Variants in MSN observed in about 807,000 individuals in gnomAD.
The protein encoded by MSN is moesin.
In MSN, 2 loss-of-function variants were observed where a neutral mutation model predicts 48.0. That is an observed-to-expected ratio of 0.04 (90% CI 0.02 to 0.13). The LOEUF is 0.13. Ranked by LOEUF, MSN falls within the 10% of genes least tolerant of loss-of-function variation. The pLI is 1.00. For missense variants in MSN, 267 were observed against 470.1 expected (o/e 0.57, Z 3.99); for synonymous variants, 146 against 166.9 (o/e 0.87, Z 0.97).
intron 1 of MSN, among the ~76,000 whole-genome samples, chrX:65,698,480 C>T (rs1172900982): frequency 8.9e-6 from 1 of 112,313 alleles, no homozygotes; most frequent in Non-Finnish European, 1.9e-5. Flanking sequence ...TTTCTCAGGG[C>T]CCCAGTTGTT....
At chrX:65,645,237 G>A (rs1358579824) in intron 1 of MSN, among the ~76,000 whole-genome samples, 2 of 111,848 alleles carry the variant, frequency 1.8e-5, no homozygotes, top group Non-Finnish European at 3.8e-5. Flanking sequence ...GACCCTCCTC[G>A]CTTCTGATAG....
chrX:65,702,207 T>C (rs1383993315), intron 1 of MSN, among the ~76,000 whole-genome samples: 2 of 104,647 alleles, frequency 1.9e-5, no homozygotes, highest in Non-Finnish European at 3.9e-5. Context: ...GAGACGGGGT[T>C]TCACCATGTT....
At chrX:65,675,153 T>C (rs745520783) in intron 1 of MSN, among the ~76,000 whole-genome samples, 1 of 112,321 alleles carries the variant, frequency 8.9e-6, no homozygotes, top group South Asian at 3.6e-4. Flanking sequence ...AATGAGTGGT[T>C]ACTATGTACT....
chrX:65,718,818 TAA>T (rs55726908), intron 2 of MSN, among the ~76,000 whole-genome samples: 18 of 75,103 alleles, frequency 2.4e-4, no homozygotes, highest in Admixed American at 1.4e-4. Flanking sequence ...ACTCTGTCTC[TAA>T]AAAAAAAAAA....
At chrX:65,605,871 T>C (rs952173068) in intron 1 of MSN, among the ~76,000 whole-genome samples, 1 of 111,700 alleles carries the variant, frequency 9.0e-6, no homozygotes, top group African/African-American at 3.3e-5. Context: ...CTTCTGTGTG[T>C]CACTCTCACA....
chrX:65,699,313 C>T (rs971904955), intron 1 of MSN, among the ~76,000 whole-genome samples: 1 of 111,636 alleles, frequency 9.0e-6, no homozygotes, highest in Non-Finnish European at 1.9e-5. Flanking sequence ...GCTGGTTGCT[C>T]CGAGCTAAAG....
At chrX:65,670,205 T>C (rs1191665558) in intron 1 of MSN, among the ~76,000 whole-genome samples, 1 of 112,136 alleles carries the variant, frequency 8.9e-6, no homozygotes, top group Non-Finnish European at 1.9e-5. Flanking sequence ...CCTAGTTCAC[T>C]GAATACCAAC....
rs747060478 is a variant in MSN at position 65,599,295 on chromosome X, CA to C, written c.-22+10694del. 5.5e-4 allele frequency among the ~76,000 whole-genome samples: 55 copies of C among 100,247 alleles called. No homozygotes were observed. In the South Asian group the frequency reaches 6.6e-3, roughly 12 times the overall value. The allele number at this position is 100,247 out of a possible 115,157, so 87.1% of individuals were successfully genotyped here. A position where few individuals can be genotyped will look rare whatever the true frequency, so the allele number is the denominator to read the frequency against. On this transcript the variant is annotated intron_variant, in intron 1 of 3. Coordinates refer to the MSN transcript ENST00000609672. ...AGGAAACAAGAGCAAAACTCCGTCT[CA>C]AAAAAAAAAATAATAATTTCAAAGA...
intron 1 of MSN, among the ~76,000 whole-genome samples, chrX:65,700,449 G>A (rs908536195): frequency 8.9e-6 from 1 of 112,112 alleles, no homozygotes; most frequent in African/African-American, 3.2e-5. Flanking sequence ...ACTGTCTCTT[G>A]TTGGCTTCAT....
intron 1 of MSN, among the ~76,000 whole-genome samples, chrX:65,607,087 A>G (rs1361131493): frequency 8.9e-6 from 1 of 112,126 alleles, no homozygotes; most frequent in Non-Finnish European, 1.9e-5. Flanking sequence ...TGGACCAGGT[A>G]TTTTATACAT....
chrX:65,659,756 T>C (rs1485360476), intron 1 of MSN, among the ~76,000 whole-genome samples: 2 of 111,581 alleles, frequency 1.8e-5, no homozygotes, highest in Non-Finnish European at 3.8e-5. Flanking sequence ...ACTTTCTGAA[T>C]TTAGCTTGTC....
rs778514992 is a variant in MSN, at chrX:65,736,456, A to G, written c.960-339A>G. On this transcript the variant is annotated intron_variant, in intron 8 of 12. Transcript: ENST00000360270. ...CCCAGGCTTTTTTTTTTTTTTTTAGATGGAGTCTTGCTCTTTTGCCCACGC... is the reference window on the plus strand; with the variant it reads ...CCCAGGCTTTTTTTTTTTTTTTTAGGTGGAGTCTTGCTCTTTTGCCCACGC... Among the ~76,000 whole-genome samples the G allele has an allele frequency of 1.1e-4, 11 of 95,820 alleles. No homozygotes were observed. In the South Asian group the frequency reaches 2.5e-3, roughly 22 times the overall value. The allele number at this position is 95,820 out of a possible 115,157, so 83.2% of individuals were successfully genotyped here.
chrX:65,678,107 C>G (rs551279269), intron 1 of MSN, among the ~76,000 whole-genome samples: 2 of 111,611 alleles, frequency 1.8e-5, no homozygotes, highest in Admixed American at 9.5e-5. Context: ...CTTCTGGAAC[C>G]TTTCCTGATG....
chrX:65,739,174 C>A lies in MSN; in HGVS notation c.1549C>A (p.Arg517Ser). Residue 517 changes from arginine to serine, a missense_variant, in exon 12 of 13, where the codon CGT becomes AGT. Transcript: ENST00000360270. ...TACCACTGAGGCAGAGAAGAATGAG[C>A]GTGTGCAGAAGCACCTGAAGGTATA... ...ERTTEAEKNE[R>S]VQKHLKALTS... 1 of 1,209,594 alleles carries A rather than the reference C, an allele frequency of 8.3e-7. No homozygotes were observed. The highest frequency in any genetic ancestry group is 1.1e-6 in the Non-Finnish European group (1 of 894,233).
intron 1 of MSN, among the ~76,000 whole-genome samples, chrX:65,611,951 A>G (rs2070323856): frequency 8.9e-6 from 1 of 111,934 alleles, no homozygotes; most frequent in African/African-American, 3.2e-5. Flanking sequence ...CATTTTCCTA[A>G]TGACTAAAAA....
chrX:65,655,051 T>C (rs1402547666), intron 1 of MSN, among the ~76,000 whole-genome samples: 1 of 111,592 alleles, frequency 9.0e-6, no homozygotes, highest in Non-Finnish European at 1.9e-5. Context: ...CTTTTGTTTT[T>C]TTCATGTCTG....
At chrX:65,615,474 C>G in intron 1 of MSN, among the ~76,000 whole-genome samples, 1 of 110,380 alleles carries the variant, frequency 9.1e-6, no homozygotes, top group Middle Eastern at 4.6e-3. Flanking sequence ...AGCATTTTTT[C>G]ATGTGTTTTT....
chrX:65,636,679 G>A (rs758722418), intron 1 of MSN, among the ~76,000 whole-genome samples: 18 of 97,057 alleles, frequency 1.9e-4, no homozygotes, highest in Admixed American at 1.2e-3. Flanking sequence ...CCCAGGAGGC[G>A]GAAGCTGTAG....
chrX:65,633,659 T>A (rs751939763), intron 1 of MSN, among the ~76,000 whole-genome samples: 2 of 112,311 alleles, frequency 1.8e-5, no homozygotes, highest in East Asian at 5.6e-4. Context: ...TAAACTGGGC[T>A]GTGTTCCCTT....
Sources: allele counts gnomAD v4.1 joint callset (sites outside exome capture counted in the v4.1 genomes callset), GRCh38; gene constraint gnomAD v4.1.1; transcripts MANE v1.5; gene names NCBI Gene and HGNC (gene_info 2026-07-23, HGNC 2026-07-21).